SH3TC2: variants seen among roughly 807,000 people sequenced by gnomAD.
SH3TC2 encodes the protein SH3 domain and tetratricopeptide repeats 2.
SH3TC2 carries 87 observed loss-of-function variants against 124.5 expected under a neutral mutation model. The observed-to-expected ratio is 0.70, with a 90% confidence interval of 0.59 to 0.84. The LOEUF is 0.84. Among genes scored for constraint, SH3TC2 ranks in the 40% least tolerant of loss-of-function variants. SH3TC2 has a pLI of 0.00. For missense variants in SH3TC2, 1,536 were observed against 1,566.4 expected, an observed-to-expected ratio of 0.98 and a Z score of 0.33; for synonymous variants, 634 against 628.5, an observed-to-expected ratio of 1.01 and a Z score of -0.13.
Position 148,993,521 on chromosome 5 carries a change from T to A in SH3TC2, c.*11190A>T, listed in dbSNP as rs1753454518. Among the ~76,000 whole-genome samples, 1 of 152,222 alleles carries A rather than the reference T, an allele frequency of 6.6e-6. No individual in the cohort carries two copies. Among genetic ancestry groups the A allele is most frequent in the African/African-American group, 2.4e-5 (1 of 41,458 alleles). ...AAGAAAATACTTTCTTGATAAAAAT[T>A]CAGCCATTATTGGTGTTTTTAATGT... On this transcript the variant is annotated 3_prime_UTR_variant, in exon 17 of 17. Coordinates refer to ENST00000515425, the MANE Select transcript of SH3TC2 (RefSeq NM_024577.4).
chr5:149,039,593 T>C (rs1754335807), intron 7 of SH3TC2, among the ~76,000 whole-genome samples: 1 of 152,256 alleles, frequency 6.6e-6, no homozygotes, highest in Admixed American at 6.5e-5. Context: ...GTGTTAAATA[T>C]CTACATTGTA....
rs946933837 is a variant in SH3TC2 at position 149,053,812 on chromosome 5, T to A, written c.53-1572A>T. Among the ~76,000 whole-genome samples the A allele has an allele frequency of 4.6e-5, 7 of 152,030 alleles. No individual in the cohort carries two copies. In the East Asian group the frequency reaches 1.2e-3, roughly 25 times the overall value. ...CATCTAGGTTGCCTTTTAAAAATATTGCTTCATCCCAGCTAAAAAAAAAAT... is the reference window on the plus strand; with the variant it reads ...CATCTAGGTTGCCTTTTAAAAATATAGCTTCATCCCAGCTAAAAAAAAAAT... On this transcript the variant is annotated intron_variant, in intron 1 of 16. Coordinates refer to ENST00000515425, the MANE Select transcript of SH3TC2 (RefSeq NM_024577.4).
intron 9 of SH3TC2, among the ~76,000 whole-genome samples, chr5:149,029,638 T>C (rs1285856850): frequency 6.6e-6 from 1 of 151,756 alleles, no homozygotes; most frequent in Non-Finnish European, 1.5e-5. Context: ...CAGTAGCCAG[T>C]GAGGGAGACT....
intron 1 of SH3TC2, chr5:149,062,306 CAAG>C (rs1561776710): frequency 1.9e-6 from 1 of 527,098 alleles, no homozygotes; most frequent in Admixed American, 2.0e-5. Flanking sequence ...TGAAAAAAAG[CAAG>C]AAGGTTGCTT....
Position 149,027,929 on chromosome 5 carries a change from G to C in SH3TC2, c.1803C>G (p.Cys601Trp). Residue 601 changes from cysteine to tryptophan, a missense_variant, in exon 11 of 17, where the codon TGC becomes TGG. Physicochemically the swap from Cys to Trp is radical, Grantham distance 215. Coordinates refer to ENST00000515425, the MANE Select transcript of SH3TC2 (RefSeq NM_024577.4). ...LLEKAGALLA[C>W]LPDRESSAKH... ...TGGCACTAGACTCACGGTCAGGCAG[G>C]CAGGCCAGCAGGGCACCTGCCTTTT... 6.2e-7 allele frequency: 1 copy of C among 1,614,096 alleles called. No individual in the cohort carries two copies. Among genetic ancestry groups the C allele is most frequent in the Non-Finnish European group, 8.5e-7 (1 of 1,180,044 alleles).
In SH3TC2 at chr5:148,991,104, C is replaced by T. The variant is rs1488416472; in HGVS notation, c.*13607G>A. Among the ~76,000 whole-genome samples the T allele has an allele frequency of 2.0e-5, 3 of 152,174 alleles. No homozygotes were observed. Among genetic ancestry groups the T allele is most frequent in the Admixed American group, 1.3e-4 (2 of 15,280 alleles). Reference sequence around the variant, plus strand: ...CCCCAATCCCTCAGAAGCCCCAAAACGTTTAATATGACCCTTTAAAACACC... The same window carrying T: ...CCCCAATCCCTCAGAAGCCCCAAAATGTTTAATATGACCCTTTAAAACACC... On this transcript the variant is annotated 3_prime_UTR_variant, in exon 17 of 17. Coordinates refer to ENST00000515425, the MANE Select transcript of SH3TC2 (RefSeq NM_024577.4).
chr5:149,042,325 G>A (rs558898975), intron 5 of SH3TC2, among the ~76,000 whole-genome samples: 248 of 152,270 alleles, frequency 1.6e-3, no homozygotes, highest in Non-Finnish European at 2.7e-3. Context: ...ATTTTATCAC[G>A]TTTGGAAAAG....
rs367677521 is a variant in SH3TC2, at chr5:149,028,730, T to C, written c.1136-12A>G. ...GGATTCAAACCCACCTAAGTAGAGA[T>C]GAAGAACAGGTCTGGTGTTAGGTCA... On this transcript the variant is annotated splice_polypyrimidine_tract_variant and intron_variant, in intron 9 of 16. Coordinates refer to ENST00000515425, the MANE Select transcript of SH3TC2 (RefSeq NM_024577.4). 1.1e-5 allele frequency: 18 copies of C among 1,614,014 alleles called. No individual in the cohort carries two copies. The highest frequency in any genetic ancestry group is 1.5e-5 in the Non-Finnish European group (18 of 1,180,028).
chr5:148,984,092 C>T lies in SH3TC2; in HGVS notation c.*20619G>A, dbSNP rs779795584. On this transcript the variant is annotated 3_prime_UTR_variant, in exon 17 of 17. Transcript: ENST00000515425. ...TTGATATCACTTCCCAGATTTGGGACGTTTTCAGCTATTATTTCTTTAGAT... is the reference window on the plus strand; with the variant it reads ...TTGATATCACTTCCCAGATTTGGGATGTTTTCAGCTATTATTTCTTTAGAT... Among the ~76,000 whole-genome samples, 9 of 152,166 alleles carry T rather than the reference C, an allele frequency of 5.9e-5. No homozygotes were observed. The highest frequency in any genetic ancestry group is 1.2e-4 in the African/African-American group (5 of 41,450).
At chr5:149,019,742 T>C (rs1234025620) in intron 12 of SH3TC2, among the ~76,000 whole-genome samples, 1 of 152,218 alleles carries the variant, frequency 6.6e-6, no homozygotes, top group East Asian at 1.9e-4. Flanking sequence ...GTTACGAAAG[T>C]GAGCTTCATT....
At position 149,012,505 on chromosome 5, in the gene SH3TC2, C is replaced by T. The variant is rs892280285; in HGVS notation, c.3204+79G>A. 1.9e-5 allele frequency: 30 copies of T among 1,567,066 alleles called. No individual in the cohort carries two copies. The Admixed American group carries it at 4.5e-4, about 24-fold the overall frequency. Reference sequence around the variant, plus strand: ...GAACATCATCCCTCTCTGGTTCCCCCTGGTTGATTTGGAGGGTACAGCTGC... The same window carrying T: ...GAACATCATCCCTCTCTGGTTCCCCTTGGTTGATTTGGAGGGTACAGCTGC... On this transcript the variant is annotated intron_variant, in intron 13 of 16. Transcript: ENST00000515425.
At position 148,986,946 on chromosome 5, in the gene SH3TC2, A is replaced by T. The variant is rs1753342762; in HGVS notation, c.*17765T>A. On this transcript the variant is annotated 3_prime_UTR_variant, in exon 17 of 17. Coordinates refer to ENST00000515425, the MANE Select transcript of SH3TC2 (RefSeq NM_024577.4). ...TATCAAGAATTCCAAGGAGAGGCAGAGTTTTCAAAGACTCCAGTTCAATGC... is the reference window on the plus strand; with the variant it reads ...TATCAAGAATTCCAAGGAGAGGCAGTGTTTTCAAAGACTCCAGTTCAATGC... 6.6e-6 allele frequency among the ~76,000 whole-genome samples: 1 copy of T among 152,248 alleles called. No individual in the cohort carries two copies. The highest frequency in any genetic ancestry group is 2.1e-4 in the South Asian group (1 of 4,832).
intron 3 of SH3TC2, chr5:149,046,086 C>T (rs999183328): frequency 3.9e-6 from 1 of 257,604 alleles, no homozygotes; most frequent in Non-Finnish European, 8.0e-6. Context: ...CAGGCCAGGT[C>T]CTGTCATCAG....
intron 8 of SH3TC2, 24 bp downstream of exon 8, chr5:149,038,271 G>T (rs1754315449): frequency 3.7e-6 from 6 of 1,609,576 alleles, no homozygotes; most frequent in Middle Eastern, 1.7e-4. Context: ...CCAGCTCCAG[G>T]ACATGCTCAC....
intron 12 of SH3TC2, among the ~76,000 whole-genome samples, chr5:149,019,293 G>GT (rs1361929711): frequency 6.6e-6 from 1 of 151,972 alleles, no homozygotes; most frequent in African/African-American, 2.4e-5. Context: ...CTTTGTTCTT[G>GT]TATTTTTTTT....
At chr5:149,006,759 A>G (rs1026739052) in intron 16 of SH3TC2, 122 bp downstream of exon 16, 13 of 994,686 alleles carry the variant, frequency 1.3e-5, no homozygotes, top group African/African-American at 9.6e-5. Context: ...ATGAGACAAG[A>G]CTTCTCATCT....
At position 149,027,266 on chromosome 5, in the gene SH3TC2, C is replaced by A. The variant is rs767615896; in HGVS notation, c.2466G>T (p.Leu822=). The part of the protein sequence containing the change: ...AKKALDVLEP[L]LCSLKETESL... ...TCTCTGTCTCCTTCAGGGAGCATAG[C>A]AGTGGCTCAAGCACATCCAAAGCCT... Residue 822 remains leucine, a synonymous_variant, in exon 11 of 17, where the codon CTG becomes CTT. Transcript: ENST00000515425. The A allele has an allele frequency of 6.2e-7, 1 of 1,614,148 alleles. No homozygotes were observed. The highest frequency in any genetic ancestry group is 8.5e-7 in the Non-Finnish European group (1 of 1,180,042).
rs2127387887 is a variant in SH3TC2, at chr5:148,989,723, C to A, written c.*14988G>T. On this transcript the variant is annotated 3_prime_UTR_variant, in exon 17 of 17. Coordinates refer to ENST00000515425, the MANE Select transcript of SH3TC2 (RefSeq NM_024577.4). ...CCAGAACATGAATACTGGAACCACT[C>A]ATTCAAGGGGATCTGGAGAGTGACC... 6.6e-6 allele frequency among the ~76,000 whole-genome samples: 1 copy of A among 152,304 alleles called. No individual in the cohort carries two copies. Among genetic ancestry groups the A allele is most frequent in the South Asian group, 2.1e-4 (1 of 4,826 alleles).
At chr5:149,014,999 C>A (rs892953322) in intron 12 of SH3TC2, among the ~76,000 whole-genome samples, 1 of 152,184 alleles carries the variant, frequency 6.6e-6, no homozygotes, top group Non-Finnish European at 1.5e-5. Flanking sequence ...TTTCTCCAGA[C>A]CTTCAGGGAA....
Sources: gnomAD v4.1 joint callset for allele counts (sites outside exome capture counted in the v4.1 genomes callset) on GRCh38, gnomAD v4.1.1 for gene constraint, MANE v1.5 for transcripts, NCBI Gene and HGNC (gene_info 2026-07-23, HGNC 2026-07-21) for gene names.